The following DPP10 variants were observed in gnomAD, a reference collection of about 807,000 sequenced individuals.
DPP10 encodes the protein dipeptidyl peptidase like 10.
Under a neutral mutation model 120.9 loss-of-function variants are expected in DPP10, and 33 were observed. The observed-to-expected ratio is 0.27, with a 90% CI of 0.21 to 0.37. DPP10 has a LOEUF of 0.37. Ranked by LOEUF, DPP10 falls within the 10% of genes least tolerant of loss-of-function variation. DPP10 has a pLI of 1.00. For synonymous variants in DPP10, 337 were observed against 326.1 expected, an observed-to-expected ratio of 1.03 and a Z score of -0.36; for missense variants, 816 against 942.8, an observed-to-expected ratio of 0.87 and a Z score of 1.76.
intron 5 of DPP10, among the ~76,000 whole-genome samples, chr2:115,574,538 T>A (rs2081537512): frequency 6.6e-6 from 1 of 152,184 alleles, no homozygotes; most frequent in Admixed American, 6.5e-5. Context: ...TGGTCATTTC[T>A]TTTTGCAACA....
chr2:115,352,856 T>C (rs11883530), intron 3 of DPP10, among the ~76,000 whole-genome samples: 101,293 of 151,898 alleles, frequency 0.67, 34,072 homozygotes, highest in Admixed American at 0.74. Flanking sequence ...CTTCACATCC[T>C]ACATCTCTCT....
intron 5 of DPP10, among the ~76,000 whole-genome samples, chr2:115,653,989 C>T (rs72950116): frequency 0.038 from 5,832 of 151,918 alleles, 393 homozygotes; most frequent in African/African-American, 0.13. Flanking sequence ...ACCAAACTGA[C>T]TTTCCTAAGA....
At chr2:115,836,332 A>G in intron 22 of DPP10, 76 bp downstream of exon 22, 2 of 1,419,118 alleles carry the variant, frequency 1.4e-6, no homozygotes, top group Non-Finnish European at 1.9e-6. Flanking sequence ...AGAATAGCTC[A>G]ATTGAGCTCA....
chr2:115,130,505 C>T lies in DPP10; in HGVS notation c.61-178734C>T, dbSNP rs200840254. The stretch of plus-strand genomic sequence containing the variant: ...CCATGCATCCATCCATCCATCTATC[C>T]ATCCATCCATCCATCCATCCATCCA... On this transcript the variant is annotated intron_variant, in intron 1 of 25. Transcript: ENST00000410059. Among the ~76,000 whole-genome samples the T allele has an allele frequency of 3.6e-3, 507 of 139,024 alleles. 4 individuals are homozygous for T. The highest frequency in any genetic ancestry group is 0.014 in the African/African-American group (481 of 35,328). The allele number at this position is 139,024 out of a possible 152,430, so 91.2% of individuals were successfully genotyped here.
rs143709947 is a variant in DPP10, at chr2:115,431,741, T to C, written c.272-67769T>C. Among the ~76,000 whole-genome samples the C allele has an allele frequency of 3.8e-4, 58 of 152,180 alleles. 2 individuals carry two copies. In the East Asian group the frequency reaches 9.9e-3, roughly 26 times the overall value. ...CCCAGCTTGCCCCGAATGCACACCCTTTGGATATCATCCCTCCATTCTTGG... is the reference window on the plus strand; with the variant it reads ...CCCAGCTTGCCCCGAATGCACACCCCTTGGATATCATCCCTCCATTCTTGG... On this transcript the variant is annotated intron_variant, in intron 3 of 25. Coordinates refer to ENST00000410059, the MANE Select transcript of DPP10 (RefSeq NM_020868.6).
chr2:115,774,617 C>T (rs935277333), intron 13 of DPP10, among the ~76,000 whole-genome samples: 3 of 152,012 alleles, frequency 2.0e-5, no homozygotes, highest in Non-Finnish European at 2.9e-5. Context: ...ATCAGTAGTA[C>T]GTCAGATAGT....
chr2:115,183,711 T>A (rs747146033), intron 1 of DPP10, among the ~76,000 whole-genome samples: 1 of 152,210 alleles, frequency 6.6e-6, no homozygotes, highest in African/African-American at 2.4e-5. Context: ...GTCAGAGTGA[T>A]CTCAGATTGA....
intron 1 of DPP10, among the ~76,000 whole-genome samples, chr2:114,625,499 CTTCTT>C (rs1694444436): frequency 6.6e-6 from 1 of 151,958 alleles, no homozygotes; most frequent in African/African-American, 2.4e-5. Flanking sequence ...ATCATTTCTT[CTTCTT>C]TTAAGTTGAA....
intron 3 of DPP10, among the ~76,000 whole-genome samples, chr2:115,381,136 C>A (rs573788784): frequency 1.6e-4 from 24 of 152,270 alleles, no homozygotes; most frequent in African/African-American, 4.8e-4. Flanking sequence ...TGGATAATAT[C>A]CTGCAGAGTA....
At position 115,713,471 on chromosome 2, in the gene DPP10, G is replaced by A. The variant is rs989705965; in HGVS notation, c.577-14345G>A. ...GGCAACAGGCTTACAATCTGGGGAT[G>A]ACTGGTGTGAACAGGAATACATGAC... On this transcript the variant is annotated intron_variant, in intron 7 of 25. Coordinates refer to ENST00000410059, the MANE Select transcript of DPP10 (RefSeq NM_020868.6). 2.0e-5 allele frequency among the ~76,000 whole-genome samples: 3 copies of A among 152,308 alleles called. No homozygotes were observed. In the South Asian group the frequency reaches 6.2e-4, roughly 32 times the overall value.
intron 3 of DPP10, among the ~76,000 whole-genome samples, chr2:115,498,715 TA>T (rs1553432449): frequency 5.6e-3 from 1 of 178 alleles, no homozygotes; most frequent in African/African-American, 0.011. Flanking sequence ...TATGTATAAT[TA>T]TATATATATA....
chr2:114,647,544 C>T (rs1276805628), intron 1 of DPP10, among the ~76,000 whole-genome samples: 1 of 151,912 alleles, frequency 6.6e-6, no homozygotes, highest in Non-Finnish European at 1.5e-5. Context: ...GTGGGTTCTA[C>T]ACCTGTAATG....
At chr2:115,839,241 AG>A (rs1689837438) in intron 24 of DPP10, among the ~76,000 whole-genome samples, 1 of 152,152 alleles carries the variant, frequency 6.6e-6, no homozygotes, top group African/African-American at 2.4e-5. Flanking sequence ...TTGACTATCT[AG>A]TTTTTTAATA....
intron 1 of DPP10, among the ~76,000 whole-genome samples, chr2:115,017,247 A>G (rs919646932): frequency 6.6e-6 from 1 of 152,062 alleles, no homozygotes; most frequent in African/African-American, 2.4e-5. Context: ...AAGAAAGAAA[A>G]AAAAATGCTC....
chr2:115,283,478 C>T (rs1436344156), intron 1 of DPP10, among the ~76,000 whole-genome samples: 1 of 151,934 alleles, frequency 6.6e-6, no homozygotes, highest in Non-Finnish European at 1.5e-5. Flanking sequence ...GATGGTTTTT[C>T]TTGAATGCTC....
intron 5 of DPP10, among the ~76,000 whole-genome samples, chr2:115,641,308 G>A (rs2086760634): frequency 6.6e-6 from 1 of 152,112 alleles, no homozygotes; most frequent in Non-Finnish European, 1.5e-5. Flanking sequence ...TTTTGCCACG[G>A]CATCAAGGCC....
At chr2:114,611,109 A>G (rs12624193) in intron 1 of DPP10, among the ~76,000 whole-genome samples, 142 of 152,116 alleles carry the variant, frequency 9.3e-4, no homozygotes, top group East Asian at 7.6e-3. Flanking sequence ...CTTGTTCTCT[A>G]TTAAATATTT....
At chr2:115,086,038 C>A (rs557805051) in intron 1 of DPP10, among the ~76,000 whole-genome samples, 19 of 152,172 alleles carry the variant, frequency 1.2e-4, no homozygotes, top group Non-Finnish European at 2.4e-4. Flanking sequence ...ATATTTCACC[C>A]CAAAACATGT....
At chr2:114,996,213 C>T (rs575820511) in intron 1 of DPP10, among the ~76,000 whole-genome samples, 7 of 152,228 alleles carry the variant, frequency 4.6e-5, no homozygotes, top group South Asian at 4.1e-4. Context: ...TGGCTTGAGG[C>T]GAGGTGTAAT....
Sources: gnomAD v4.1 joint callset for allele counts (sites outside exome capture counted in the v4.1 genomes callset) on GRCh38, gnomAD v4.1.1 for gene constraint, MANE v1.5 for transcripts, NCBI Gene and HGNC (gene_info 2026-07-23, HGNC 2026-07-21) for gene names.